The following PBX4 variants were observed in gnomAD, a reference collection of about 807,000 sequenced individuals.
PBX4 encodes PBX homeobox 4.
In PBX4, 26 loss-of-function variants were observed where a neutral mutation model predicts 35.1. The ratio of observed to expected loss-of-function variants is 0.74; its 90% CI spans 0.54 to 1.03. The LOEUF is 1.03. Ranked by LOEUF, PBX4 falls within the 50% of genes least tolerant of loss-of-function variation. The probability of loss-of-function intolerance (pLI) is 0.00; values close to 1 mark genes in which losing one functional copy is unlikely to be tolerated. For missense variants in PBX4, 448 were observed against 504.3 expected (o/e 0.89, Z 1.07); for synonymous variants, 199 against 204.2 (o/e 0.97, Z 0.22).
At chr19:19,571,017 C>T in intron 2 of PBX4, 184 bp from the exon 3 acceptor site, 2 of 775,402 alleles carry the variant, frequency 2.6e-6, no homozygotes, top group South Asian at 1.8e-5. Flanking sequence ...GACATGGGTC[C>T]AAGTGCCATC....
Position 19,565,063 on chromosome 19 carries a change from T to C in PBX4, c.795A>G (p.Arg265=). ...SQVSNWFGNK[R]IRYKKNMGKF... is the part of the protein sequence containing the mutation. ...TCCCCATGTTCTTTTTATACCGGAT[T>C]CTTTTGTTGCCAAACCAGTTAGAGA... Residue 265 remains arginine (R), a synonymous_variant, in exon 6 of 8, where the codon AGA becomes AGG. Transcript: ENST00000251203. 6.2e-7 allele frequency: 1 copy of C among 1,614,200 alleles called. No individual in the cohort carries two copies. Among genetic ancestry groups the C allele is most frequent in the South Asian group, 1.1e-5 (1 of 91,080 alleles).
chr19:19,574,588 T>A (rs2061407373), intron 2 of PBX4, among the ~76,000 whole-genome samples: 1 of 151,974 alleles, frequency 6.6e-6, no homozygotes, highest in Non-Finnish European at 1.5e-5. Flanking sequence ...TCCCTTTTAT[T>A]AGCTGGCAGA....
rs2144690793 is a variant in PBX4, at chr19:19,561,889, G to C, written c.*136C>G. On this transcript the variant is annotated 3_prime_UTR_variant, in exon 8 of 8. Coordinates refer to ENST00000251203, the MANE Select transcript of PBX4 (RefSeq NM_025245.3). ...CACATGAGCCGGCGCCACGGGCCTG[G>C]CTGAGGAGCAGGGGCTCATGGGCAC... The C allele has an allele frequency of 1.5e-6, 1 of 666,888 alleles. No homozygotes were observed. The highest frequency in any genetic ancestry group is 3.1e-5 in the East Asian group (1 of 32,404). 41.3% of individuals were successfully genotyped at this position (666,888 alleles called of 1,614,324 possible).
chr19:19,588,956 C>A (rs1451713851), intron 2 of PBX4, among the ~76,000 whole-genome samples: 1 of 152,012 alleles, frequency 6.6e-6, no homozygotes, highest in Non-Finnish European at 1.5e-5. Context: ...GGCAACACAG[C>A]AAGATCCCAT....
chr19:19,563,377 G>C lies in PBX4; in HGVS notation c.1032+132C>G. 4 of 669,436 alleles carry C rather than the reference G, an allele frequency of 6.0e-6. No individual in the cohort carries two copies. The highest frequency in any genetic ancestry group is 7.6e-6 in the Non-Finnish European group (3 of 397,136). 41.5% of individuals were successfully genotyped at this position (669,436 alleles called of 1,614,324 possible). On this transcript the variant is annotated intron_variant, in intron 7 of 7. Transcript: ENST00000251203. The surrounding 1 kb of genome is among the most constrained non-coding windows in gnomAD (Gnocchi z 5.1). The stretch of plus-strand genomic sequence containing the variant: ...GCAGAGCTGTGCCCCAGAGGTGGCC[G>C]CGCAGCATGGCCTGTGTGGCTGCTG...
chr19:19,576,457 C>G lies in PBX4; in HGVS notation c.194-5624G>C, dbSNP rs370030604. On this transcript the variant is annotated intron_variant, in intron 2 of 7. Transcript: ENST00000251203. The stretch of plus-strand genomic sequence containing the variant: ...GCCAGGATGATCTCAATCTCCTGAC[C>G]TCGTGATCCACGCACCTTGACCTCC... Among the ~76,000 whole-genome samples the G allele has an allele frequency of 7.4e-4, 113 of 152,082 alleles. No homozygotes were observed. In the South Asian group the frequency reaches 0.023, roughly 30 times the overall value.
At chr19:19,595,010 C>A (rs2061552832) in intron 2 of PBX4, among the ~76,000 whole-genome samples, 1 of 152,204 alleles carries the variant, frequency 6.6e-6, no homozygotes, top group Non-Finnish European at 1.5e-5. Flanking sequence ...GCGTGAGCCA[C>A]CGCACCCAGC....
At chr19:19,605,587 C>A (rs1361112184) in intron 1 of PBX4, among the ~76,000 whole-genome samples, 2 of 151,752 alleles carry the variant, frequency 1.3e-5, no homozygotes, top group African/African-American at 4.8e-5. Flanking sequence ...GATCACACCA[C>A]TGTACTCCAG....
At chr19:19,599,398 AAAG>A (rs778827523) in intron 1 of PBX4, 33 bp from the exon 2 acceptor site, 2 of 1,566,250 alleles carry the variant, frequency 1.3e-6, no homozygotes, top group Non-Finnish European at 1.8e-6. Flanking sequence ...GGGTGTGAGA[AAAG>A]AATAGTCATC....
intron 2 of PBX4, among the ~76,000 whole-genome samples, chr19:19,579,663 C>T (rs2061441411): frequency 6.6e-6 from 1 of 152,240 alleles, no homozygotes; most frequent in South Asian, 2.1e-4. Context: ...CCCTGACTGA[C>T]CCCTCGGGTC....
chr19:19,602,530 T>G (rs1289607841), intron 1 of PBX4, among the ~76,000 whole-genome samples: 1 of 152,082 alleles, frequency 6.6e-6, no homozygotes, highest in Non-Finnish European at 1.5e-5. Context: ...GTGCCCGAAC[T>G]CAAGCAATCC....
intron 2 of PBX4, chr19:19,588,213 C>CA: frequency 7.4e-7 from 1 of 1,359,392 alleles, no homozygotes; most frequent in Non-Finnish European, 1.0e-6. Flanking sequence ...CAATAATAGG[C>CA]ATCAGAGACC....
At chr19:19,617,780 AC>A (rs1484598362) in intron 1 of PBX4, among the ~76,000 whole-genome samples, 1 of 152,058 alleles carries the variant, frequency 6.6e-6, no homozygotes, top group African/African-American at 2.4e-5. Context: ...TGGTTCCCAC[AC>A]CAAGTTACCC....
intron 2 of PBX4, among the ~76,000 whole-genome samples, chr19:19,582,336 G>A (rs944345060): frequency 7.2e-5 from 11 of 152,124 alleles, no homozygotes; most frequent in Non-Finnish European, 8.8e-5. Context: ...GGCCTGCCAC[G>A]CCCCACATCT....
At chr19:19,584,122 C>T (rs1024521056) in intron 2 of PBX4, among the ~76,000 whole-genome samples, 4 of 152,080 alleles carry the variant, frequency 2.6e-5, no homozygotes, top group African/African-American at 9.7e-5. Flanking sequence ...CCTGTAATCC[C>T]AGCTACTCAG....
rs1377338622 is a variant in PBX4, at chr19:19,563,517, G to A, written c.1024C>T (p.Gln342Ter). 1 of 1,549,284 alleles carries A rather than the reference G, an allele frequency of 6.5e-7. No individual in the cohort carries two copies. Among genetic ancestry groups the A allele is most frequent in the Admixed American group, 2.0e-5 (1 of 50,948 alleles). Residue 342 changes from glutamine to a stop codon, truncating the protein, a stop_gained, in exon 7 of 8, where the codon CAG becomes TAG. Transcript: ENST00000251203. LOFTEE classifies it low-confidence loss of function (END_TRUNC). This position sits in a 1 kb window ranked among gnomAD's most constrained non-coding sequence, Gnocchi z 5.1. ...LQPPPGGGCL[Q>*]SQAQGSWQGA... ...CAGTGCCTGAGACTCACCTGGGACT[G>A]CAGGCAGCCTCCCCCAGGAGGAGGC...
At chr19:19,578,321 G>A (rs1315058946) in intron 2 of PBX4, among the ~76,000 whole-genome samples, 2 of 152,206 alleles carry the variant, frequency 1.3e-5, no homozygotes, top group Non-Finnish European at 2.9e-5. Context: ...CATCTGCCCT[G>A]CCAGCTGCCT....
chr19:19,572,842 G>A (rs1438190839), intron 2 of PBX4, among the ~76,000 whole-genome samples: 13 of 131,622 alleles, frequency 9.9e-5, no homozygotes, highest in Non-Finnish European at 1.3e-4. Flanking sequence ...TGACAAGGGC[G>A]AGACTCCGTC....
rs956344532 is a variant in PBX4 at position 19,562,419 on chromosome 19, C to T, written c.1033-302G>A. On this transcript the variant is annotated intron_variant, in intron 7 of 7. Coordinates refer to ENST00000251203, the MANE Select transcript of PBX4 (RefSeq NM_025245.3). This position sits in a 1 kb window ranked among gnomAD's most constrained non-coding sequence, Gnocchi z 4.8. Reference sequence around the variant, plus strand: ...GGGTACAACAAGGGCTCCTGCCCGGCGAGGGGCAGGGAGGCAAGGTCAGGC... The same window carrying T: ...GGGTACAACAAGGGCTCCTGCCCGGTGAGGGGCAGGGAGGCAAGGTCAGGC... Among the ~76,000 whole-genome samples, 5 of 152,212 alleles carry T rather than the reference C, an allele frequency of 3.3e-5. No homozygotes were observed. Among genetic ancestry groups the T allele is most frequent in the Middle Eastern group, 3.4e-3 (1 of 294 alleles).
Sources: allele counts gnomAD v4.1 joint callset (sites outside exome capture counted in the v4.1 genomes callset), GRCh38; gene constraint gnomAD v4.1.1; non-coding constraint Gnocchi (gnomAD v3.1); transcripts MANE v1.5; gene names NCBI Gene and HGNC (gene_info 2026-07-23, HGNC 2026-07-21).